Variants in DGCR2 observed in about 807,000 individuals in gnomAD.
DGCR2 encodes DiGeorge syndrome critical region gene 2, also known as integral membrane protein DGCR2/IDD.
Under a neutral mutation model 51.6 loss-of-function variants are expected in DGCR2, and 24 were observed. That is an observed-to-expected ratio of 0.47 (90% CI 0.34 to 0.65). DGCR2 has a LOEUF of 0.65. Ranked by LOEUF, DGCR2 falls within the 30% of genes least tolerant of loss-of-function variation. DGCR2 has a pLI of 0.01. For missense variants in DGCR2, 765 were observed against 772.1 expected (o/e 0.99, Z 0.11); for synonymous variants, 340 against 315.4 (o/e 1.08, Z -0.82).
At chr22:19,050,771 C>T (rs1404619472) in intron 6 of DGCR2, among the ~76,000 whole-genome samples, 1 of 152,226 alleles carries the variant, frequency 6.6e-6, no homozygotes, top group Non-Finnish European at 1.5e-5. Flanking sequence ...CTTATTAAAA[C>T]ACTCATTCGA....
intron 5 of DGCR2, among the ~76,000 whole-genome samples, chr22:19,062,807 T>TCTCTC (rs397967453): frequency 6.8e-6 from 1 of 146,990 alleles, no homozygotes; most frequent in Non-Finnish European, 1.5e-5. Flanking sequence ...TCTCTCTCTC[T>TCTCTC]ATCTGCCTGA....
intron 1 of DGCR2, among the ~76,000 whole-genome samples, chr22:19,104,688 G>T (rs2083243263): frequency 1.3e-5 from 2 of 152,208 alleles, no homozygotes; most frequent in African/African-American, 4.8e-5. Context: ...GGACACCCAT[G>T]CCCTGCTGGA....
intron 2 of DGCR2, among the ~76,000 whole-genome samples, chr22:19,070,964 G>C (rs934522920): frequency 6.6e-6 from 1 of 152,222 alleles, no homozygotes; most frequent in African/African-American, 2.4e-5. Context: ...TGGGGAATGC[G>C]CATAGCACAG....
At chr22:19,072,891 T>A (rs9605928) in intron 2 of DGCR2, among the ~76,000 whole-genome samples, 4,400 of 150,840 alleles carry the variant, frequency 0.029, 151 homozygotes, top group South Asian at 0.18. Flanking sequence ...ATAAATAAAA[T>A]TTTTTTTTAA....
chr22:19,122,265 G>A lies in DGCR2; in HGVS notation c.-59C>T. 1.5e-6 allele frequency: 2 copies of A among 1,367,820 alleles called. No individual in the cohort carries two copies. Among genetic ancestry groups the A allele is most frequent in the Non-Finnish European group, 2.0e-6 (2 of 1,023,994 alleles). The allele number at this position is 1,367,820 out of a possible 1,614,324, so 84.7% of individuals were successfully genotyped here. On this transcript the variant is annotated 5_prime_UTR_variant, in exon 1 of 10. Transcript: ENST00000263196. Reference sequence around the variant, plus strand: ...AAGGCCGGACCAGGCCGGACTGAGGGTCAGGGGACCGTGCCAAGCGGAGGG... The same window carrying A: ...AAGGCCGGACCAGGCCGGACTGAGGATCAGGGGACCGTGCCAAGCGGAGGG...
chr22:19,086,721 C>G (rs560946650), intron 2 of DGCR2, among the ~76,000 whole-genome samples: 62 of 152,234 alleles, frequency 4.1e-4, no homozygotes, highest in African/African-American at 1.3e-3. Flanking sequence ...TAACTTTCGG[C>G]TTCTATGAGA....
At chr22:19,099,675 A>G (rs1158175276) in intron 1 of DGCR2, among the ~76,000 whole-genome samples, 2 of 151,940 alleles carry the variant, frequency 1.3e-5, no homozygotes, top group African/African-American at 4.8e-5. Flanking sequence ...AGTTGCTTAA[A>G]AACAGTCACC....
In DGCR2 at chr22:19,041,071, G is replaced by C; in HGVS notation, c.1383C>G (p.Phe461Leu). ...YEASIHPDSV[F>L]YDPADDDAFE... ...GGAGTCAGGCACCTGCAGGGTCATA[G>C]AACACACTGTCCGGGTGGATGGAGG... is the stretch of plus-strand genomic sequence containing the variant. The change falls in exon 9 of 10, where the codon TTC (phenylalanine) becomes TTG (leucine). Residue 461 changes from phenylalanine (F) to leucine (L), a missense_variant. Transcript: ENST00000263196. 6.2e-7 allele frequency: 1 copy of C among 1,604,772 alleles called. No individual in the cohort carries two copies. The highest frequency in any genetic ancestry group is 8.5e-7 in the Non-Finnish European group (1 of 1,174,212).
intron 2 of DGCR2, among the ~76,000 whole-genome samples, chr22:19,071,084 G>C (rs577523307): frequency 1.3e-5 from 2 of 152,378 alleles, no homozygotes; most frequent in Non-Finnish European, 1.5e-5. Context: ...ACCTCCACCA[G>C]GGCCATGGGG....
In DGCR2 at chr22:19,063,234, G is replaced by C. The variant is rs768886315; in HGVS notation, c.593C>G (p.Ser198Cys). Residue 198 changes from serine (S) to cysteine (C), a missense_variant, in exon 5 of 10, where the codon TCC (serine) becomes TGC (cysteine). This residue lies in a region of DGCR2 where 370 missense variants were observed against 325.5 expected (regional missense o/e 1.14). Transcript: ENST00000263196. ...YQYVITGRNR[S>C]LEGRWEVAFK... The stretch of plus-strand genomic sequence containing the variant: ...TGCCACCTCCCAGCGACCTTCCAAG[G>C]AGCGGTTCCGGCCAGTGATAACATA... 1.2e-6 allele frequency: 2 copies of C among 1,614,198 alleles called. No homozygotes were observed. The highest frequency in any genetic ancestry group is 1.7e-6 in the Non-Finnish European group (2 of 1,180,040).
intron 2 of DGCR2, among the ~76,000 whole-genome samples, chr22:19,080,846 T>C (rs972414281): frequency 6.6e-6 from 1 of 151,990 alleles, no homozygotes; most frequent in South Asian, 2.1e-4. Flanking sequence ...AAAAAAGAAA[T>C]GAAACCCCAC....
intron 1 of DGCR2, among the ~76,000 whole-genome samples, chr22:19,092,773 A>C (rs2083092693): frequency 6.6e-6 from 1 of 152,228 alleles, no homozygotes; most frequent in Non-Finnish European, 1.5e-5. Flanking sequence ...CTGTACACTG[A>C]AAAATTTTCA....
chr22:19,083,419 C>T (rs190139839), intron 2 of DGCR2, among the ~76,000 whole-genome samples: 1 of 152,212 alleles, frequency 6.6e-6, no homozygotes, highest in Non-Finnish European at 1.5e-5. Context: ...ACAACGACCT[C>T]TCAATACTAC....
chr22:19,082,757 C>CA (rs1436886249), intron 2 of DGCR2, among the ~76,000 whole-genome samples: 50 of 125,426 alleles, frequency 4.0e-4, no homozygotes, highest in South Asian at 1.8e-3. Context: ...ACTCCATCTC[C>CA]AAAAAAAAAC....
intron 3 of DGCR2, chr22:19,065,955 CAT>C (rs1491518233): frequency 8.1e-6 from 1 of 123,354 alleles, no homozygotes; most frequent in Admixed American, 7.8e-5. Flanking sequence ...ATTATGTAAG[CAT>C]GTGTGTGTGT....
At chr22:19,079,634 G>GCATA (rs2082914700) in intron 2 of DGCR2, among the ~76,000 whole-genome samples, 1 of 152,198 alleles carries the variant, frequency 6.6e-6, no homozygotes, top group Non-Finnish European at 1.5e-5. Flanking sequence ...TTTATATGTA[G>GCATA]CATGTAATGT....
Position 19,064,960 on chromosome 22 carries a change from G to A in DGCR2, c.436C>T (p.Gln146Ter). 6.2e-7 allele frequency: 1 copy of A among 1,614,016 alleles called. No individual in the cohort carries two copies. The highest frequency in any genetic ancestry group is 8.5e-7 in the Non-Finnish European group (1 of 1,180,046). Reference protein sequence around the residue: ...ENYWDAAQTCQRLNGSLATFS... With the variant: ...ENYWDAAQTC Reference sequence around the variant, plus strand: ...GTGGCGAGAGAGCCATTCAGGCGCTGGCAGGTCTGCGCGGCATCCCAGTAG... The same window carrying A: ...GTGGCGAGAGAGCCATTCAGGCGCTAGCAGGTCTGCGCGGCATCCCAGTAG... The change falls in exon 4 of 10, where the codon CAG becomes TAG. Residue 146 changes from glutamine (Q) to a stop codon, truncating the protein, a stop_gained. Coordinates refer to ENST00000263196, the MANE Select transcript of DGCR2 (RefSeq NM_005137.3). LOFTEE classifies it high-confidence loss of function.
At chr22:19,061,036 C>A (rs962144064) in intron 5 of DGCR2, 2 of 236,700 alleles carry the variant, frequency 8.4e-6, no homozygotes, top group African/African-American at 4.6e-5. Context: ...ATGTGAGGCC[C>A]TTCCACCATC....
chr22:19,057,110 A>G lies in DGCR2; in HGVS notation c.678T>C (p.Ser226=). The G allele has an allele frequency of 6.2e-7, 1 of 1,608,332 alleles. No individual in the cohort carries two copies. ...GGGCACAGAACACGTTGTCGTTCTC[A>G]GACATGGCCGAGGCAAAGATGGGGT... The part of the protein sequence containing the change: ...PPDPIFASAM[S]ENDNVFCAQL... Residue 226 remains serine (S), a synonymous_variant, in exon 6 of 10, where the codon TCT becomes TCC. Coordinates refer to ENST00000263196, the MANE Select transcript of DGCR2 (RefSeq NM_005137.3). The surrounding 1 kb of genome is among the most constrained non-coding windows in gnomAD (Gnocchi z 5.1).
Sources: gnomAD v4.1 joint callset for allele counts (sites outside exome capture counted in the v4.1 genomes callset) on GRCh38, gnomAD v4.1.1 for gene constraint, gnomAD v4.1.1 regional missense constraint, Gnocchi (gnomAD v3.1) non-coding constraint, MANE v1.5 for transcripts, NCBI Gene and HGNC (gene_info 2026-07-23, HGNC 2026-07-21) for gene names.